ERLIN2: variants seen among roughly 807,000 people sequenced by gnomAD.
ERLIN2 encodes the protein erlin-2.
A neutral mutation model predicts 41.5 loss-of-function variants in ERLIN2; 22 were observed. The ratio of observed to expected loss-of-function variants is 0.53; its 90% CI spans 0.38 to 0.76. The LOEUF is 0.76. ERLIN2 is among the 30% of genes least tolerant of loss of function. ERLIN2 has a pLI of 0.00. For synonymous variants in ERLIN2, 149 were observed against 150.9 expected, an observed-to-expected ratio of 0.99 and a Z score of 0.09; for missense variants, 247 against 414.3, an observed-to-expected ratio of 0.60 and a Z score of 3.51.
intron 4 of ERLIN2, among the ~76,000 whole-genome samples, chr8:37,743,062 T>C (rs973198463): frequency 6.6e-6 from 1 of 152,200 alleles, no homozygotes; most frequent in Non-Finnish European, 1.5e-5. Flanking sequence ...AGAAACACTC[T>C]GACAAATCCG....
rs1395277462 is a variant in ERLIN2 at position 37,737,911 on chromosome 8, A to G, written c.-12A>G. 1 of 1,614,116 alleles carries G rather than the reference A, an allele frequency of 6.2e-7. No individual in the cohort carries two copies. Among genetic ancestry groups the G allele is most frequent in the Admixed American group, 1.7e-5 (1 of 60,024 alleles). On this transcript the variant is annotated 5_prime_UTR_variant, in exon 2 of 12. It adds an upstream start codon to the 5' untranslated region. Coordinates refer to ENST00000519638, the MANE Select transcript of ERLIN2 (RefSeq NM_007175.8). ...TTTTCCCGTGTCTTTTCCCTAGGAT[A>G]AAGGCTCACTGATGGCTCAGTTGGG...
At chr8:37,753,620 C>A in intron 11 of ERLIN2, 91 bp downstream of exon 11, 1 of 1,175,868 alleles carries the variant, frequency 8.5e-7, no homozygotes, top group Non-Finnish European at 1.3e-6. Flanking sequence ...CTGCCACCAC[C>A]CAAAGCCCTT....
At chr8:37,743,351 C>T (rs934602161) in intron 4 of ERLIN2, among the ~76,000 whole-genome samples, 5 of 152,190 alleles carry the variant, frequency 3.3e-5, no homozygotes, top group Admixed American at 2.6e-4. Context: ...CGGGTAACAG[C>T]AGGGGTAGTT....
intron 4 of ERLIN2, among the ~76,000 whole-genome samples, chr8:37,743,404 T>C (rs947009441): frequency 6.6e-6 from 1 of 152,232 alleles, no homozygotes; most frequent in African/African-American, 2.4e-5. Context: ...ACCACCTTTT[T>C]GTCACATCCT....
At chr8:37,745,446 G>A (rs1373382121) in intron 6 of ERLIN2, 9 of 952,930 alleles carry the variant, frequency 9.4e-6, no homozygotes, top group African/African-American at 3.2e-5. Context: ...ACACAGTTGG[G>A]TAACTGTTAT....
intron 2 of ERLIN2, 108 bp downstream of exon 2, chr8:37,738,137 G>A: frequency 1.5e-6 from 2 of 1,308,244 alleles, no homozygotes; most frequent in Non-Finnish European, 2.2e-6. Context: ...ATATTTCCTT[G>A]AATAGGGGAG....
Position 37,755,562 on chromosome 8 carries a change from AC to A in ERLIN2, c.*1453del, listed in dbSNP as rs1803335951. The stretch of plus-strand genomic sequence containing the variant: ...TGTTATGAGCTGACCCCCACCCCCC[AC>A]CCCCCACCCCCCCCCCCCGCCAACT... On this transcript the variant is annotated 3_prime_UTR_variant, in exon 12 of 12. Transcript: ENST00000519638. The A allele has an allele frequency of 1.7e-5, 1 of 58,272 alleles. No individual in the cohort carries two copies. Among genetic ancestry groups the A allele is most frequent in the Non-Finnish European group, 3.2e-5 (1 of 31,230 alleles). The allele number at this position is 58,272 out of a possible 1,614,324, so 3.6% of individuals were successfully genotyped here. A position where few individuals can be genotyped will look rare whatever the true frequency, so the allele number is the denominator to read the frequency against.
At chr8:37,749,679 T>G (rs770542416) in intron 7 of ERLIN2, 47 bp downstream of exon 7, 6 of 1,566,492 alleles carry the variant, frequency 3.8e-6, no homozygotes, top group Non-Finnish European at 4.4e-6. Context: ...TGACACTGCT[T>G]CCCTTCTCCC....
At chr8:37,739,773 C>G (rs1585899667) in intron 2 of ERLIN2, among the ~76,000 whole-genome samples, 1 of 151,898 alleles carries the variant, frequency 6.6e-6, no homozygotes, top group South Asian at 2.1e-4. Flanking sequence ...GCCAGACTTT[C>G]TCTTATCTAA....
intron 6 of ERLIN2, chr8:37,745,759 A>T: frequency 6.6e-7 from 1 of 1,505,022 alleles, no homozygotes; most frequent in South Asian, 1.3e-5. Flanking sequence ...ATGAATCTAA[A>T]TTCATTTTAT....
In ERLIN2 at chr8:37,736,660, C is replaced by A; in HGVS notation, c.-34C>A. ...CTCGTGGGCTCGGACGAGTACGGAG[C>A]GCCTGCAGGGACAGCCTGGTACGCG... On this transcript the variant is annotated 5_prime_UTR_variant, in exon 1 of 12. Transcript: ENST00000519638. The A allele has an allele frequency of 7.1e-6, 7 of 985,662 alleles. No individual in the cohort carries two copies. Among genetic ancestry groups the A allele is most frequent in the Non-Finnish European group, 8.4e-6 (7 of 830,052 alleles). 61.1% of individuals were successfully genotyped at this position (985,662 alleles called of 1,614,324 possible).
chr8:37,744,821 G>C (rs771777521), intron 6 of ERLIN2, 125 bp downstream of exon 6: 7 of 1,065,094 alleles, frequency 6.6e-6, no homozygotes, highest in Non-Finnish European at 1.4e-6. Flanking sequence ...AAATGTTAAA[G>C]AATCTTGTGC....
chr8:37,749,502 C>G, intron 6 of ERLIN2, 57 bp from the exon 7 acceptor site: 1 of 1,197,756 alleles, frequency 8.3e-7, no homozygotes, highest in Non-Finnish European at 1.2e-6. Context: ...CTCATCCTGC[C>G]CTCCCTCATC....
rs1385561295 is a variant in ERLIN2, at chr8:37,741,333, T to C, written c.190-439T>C. Among the ~76,000 whole-genome samples, 1 of 152,216 alleles carries C rather than the reference T, an allele frequency of 6.6e-6. No individual in the cohort carries two copies. Among genetic ancestry groups the C allele is most frequent in the Admixed American group, 6.5e-5 (1 of 15,280 alleles). ...TTATGACAGTATATTGTTATAATTG[T>C]TCTATTTTATTATTGTTGATCACTT... On this transcript the variant is annotated intron_variant, in intron 3 of 11. Transcript: ENST00000519638. The surrounding 1 kb of genome is among the most constrained non-coding windows in gnomAD (Gnocchi z 4.8).
intron 6 of ERLIN2, chr8:37,745,409 G>T (rs1803007316): frequency 1.4e-6 from 1 of 699,356 alleles, no homozygotes; most frequent in African/African-American, 1.8e-5. Context: ...CAAAGTAAAG[G>T]CAACCTGACT....
At chr8:37,737,676 C>T in intron 1 of ERLIN2, 5 of 522,026 alleles carry the variant, frequency 9.6e-6, no homozygotes, top group South Asian at 2.0e-5. Flanking sequence ...CGGCTGTATC[C>T]GGAGCCAGTG....
intron 4 of ERLIN2, among the ~76,000 whole-genome samples, chr8:37,743,889 C>A (rs1181594406): frequency 6.6e-6 from 1 of 152,138 alleles, no homozygotes; most frequent in Admixed American, 6.5e-5. Flanking sequence ...ACTCTTTCGG[C>A]TTCTCTATGT....
intron 2 of ERLIN2, 133 bp downstream of exon 2, chr8:37,738,162 G>T: frequency 1.0e-6 from 1 of 959,904 alleles, no homozygotes. Context: ...TTCAGATGGA[G>T]CTTTTTATGT....
intron 8 of ERLIN2, chr8:37,750,161 G>A: frequency 1.6e-6 from 1 of 620,998 alleles, no homozygotes; most frequent in East Asian, 2.7e-5. Context: ...TAAGTGGACA[G>A]GCAGGTGTAT....
Sources: gnomAD v4.1 joint callset for allele counts (sites outside exome capture counted in the v4.1 genomes callset) on GRCh38, gnomAD v4.1.1 for gene constraint, Gnocchi (gnomAD v3.1) non-coding constraint, MANE v1.5 for transcripts, NCBI Gene and HGNC (gene_info 2026-07-23, HGNC 2026-07-21) for gene names.